LRRC71: variants seen among roughly 807,000 people sequenced by gnomAD.
LRRC71 encodes leucine rich repeat containing 71.
In LRRC71, 54 loss-of-function variants were observed where a neutral mutation model predicts 66.6. The ratio of observed to expected loss-of-function variants is 0.81; its 90% CI spans 0.65 to 1.02. LRRC71 has a LOEUF of 1.02. Among genes scored for constraint, LRRC71 ranks in the 50% least tolerant of loss-of-function variants. The probability of loss-of-function intolerance (pLI) is 0.00; values close to 1 mark genes in which losing one functional copy is unlikely to be tolerated. For synonymous variants in LRRC71, 323 were observed against 303.9 expected (o/e 1.06, Z -0.65); for missense variants, 724 against 718.0 (o/e 1.01, Z -0.10).
intron 12 of LRRC71, 137 bp downstream of exon 12, chr1:156,930,754 GTCC>G (rs1451856290): frequency 2.6e-6 from 2 of 774,500 alleles, no homozygotes; most frequent in Non-Finnish European, 4.2e-6. Flanking sequence ...CTTCAAATTT[GTCC>G]TCCACTCCTG....
chr1:156,930,345 G>A (rs1299142117), intron 11 of LRRC71, among the ~76,000 whole-genome samples, 184 bp from the exon 12 acceptor site: 3 of 151,660 alleles, frequency 2.0e-5, no homozygotes, highest in African/African-American at 4.8e-5. Context: ...CTCCTGCTTC[G>A]GCCTCCCAAA....
chr1:156,931,509 G>C (rs543978041), intron 12 of LRRC71, among the ~76,000 whole-genome samples: 1 of 152,142 alleles, frequency 6.6e-6, no homozygotes, highest in African/African-American at 2.4e-5. Flanking sequence ...ATTGCTCTAG[G>C]TGTTGGGAAA....
chr1:156,939,969 A>G, the LRRC71 span: 2 of 1,578,040 alleles, frequency 1.3e-6, no homozygotes, highest in South Asian at 2.3e-5. Flanking sequence ...CGCCAGAAGG[A>G]TCGTTGTACT....
At chr1:156,931,648 T>C (rs1179045869) in intron 12 of LRRC71, among the ~76,000 whole-genome samples, 1 of 152,206 alleles carries the variant, frequency 6.6e-6, no homozygotes, top group Non-Finnish European at 1.5e-5. Context: ...AGGCCCTTCC[T>C]GGCCTGGCCT....
At position 156,932,102 on chromosome 1, in the gene LRRC71, C is replaced by T. The variant is rs150956956; in HGVS notation, c.1441+75C>T. 3.1e-3 allele frequency: 3,714 copies of T among 1,181,678 alleles called. 25 individuals are homozygous for T. The highest frequency in any genetic ancestry group is 2.8e-3 in the Non-Finnish European group (2,288 of 813,902). The allele number at this position is 1,181,678 out of a possible 1,614,324, so 73.2% of individuals were successfully genotyped here. ...CTGTCCTGCCTGAGGGTGTTTACCC[C>T]GACTCTATGGAGCAGAGCTGGTCCT... is the stretch of plus-strand genomic sequence containing the variant. On this transcript the variant is annotated intron_variant, in intron 13 of 14. Transcript: ENST00000337428.
chr1:156,930,247 C>T (rs182013987), intron 11 of LRRC71, among the ~76,000 whole-genome samples: 1 of 151,856 alleles, frequency 6.6e-6, no homozygotes, highest in East Asian at 2.0e-4. Context: ...TGCGTGCCAC[C>T]ACGCCCAGCT....
chr1:156,923,720 G>T (rs1652740142), intron 1 of LRRC71, among the ~76,000 whole-genome samples: 1 of 152,224 alleles, frequency 6.6e-6, no homozygotes, highest in African/African-American at 2.4e-5. Context: ...ACACAGAAGA[G>T]GGGACCCCGT....
chr1:156,930,044 C>CTCTTTCTTTCTTTCTTTTTCTT (rs1654063259), intron 11 of LRRC71, among the ~76,000 whole-genome samples: 1 of 127,906 alleles, frequency 7.8e-6, no homozygotes, highest in Non-Finnish European at 1.6e-5. Flanking sequence ...TTCTTTCTTT[C>CTCTTTCTTTCTTTCTTTTTCTT]TCTTTCTTTC....
At position 156,927,452 on chromosome 1, in the gene LRRC71, T is replaced by G. The variant is rs750863823; in HGVS notation, c.663-44T>G. The G allele has an allele frequency of 6.6e-6, 10 of 1,522,300 alleles. No homozygotes were observed. The Admixed American group carries it at 1.9e-4, about 29-fold the overall frequency. The allele number at this position is 1,522,300 out of a possible 1,614,324, so 94.3% of individuals were successfully genotyped here. On this transcript the variant is annotated intron_variant, in intron 6 of 14. Coordinates refer to ENST00000337428, the MANE Select transcript of LRRC71 (RefSeq NM_144702.3). ...GTCTCCCATATTCCGGCGGACGCCC[T>G]GTACCTTTTCCAGCGACCCACATTC... is the stretch of plus-strand genomic sequence containing the variant.
chr1:156,921,712 AACACACACAC>A (rs34547094), intron 1 of LRRC71: 9,102 of 278,506 alleles, frequency 0.033, 414 homozygotes, highest in East Asian at 0.26. Context: ...TTACATTCAA[AACACACACAC>A]ACACACACAC....
chr1:156,937,384 C>A, downstream of LRRC71: 1 of 1,607,244 alleles, frequency 6.2e-7, no homozygotes, highest in Non-Finnish European at 8.5e-7. Flanking sequence ...GAGGCTGAGG[C>A]TCTGTCTGCC....
intron 11 of LRRC71, among the ~76,000 whole-genome samples, chr1:156,930,093 C>CTTTCTTTCTTTTCTTTTTT (rs1571069635): frequency 1.7e-5 from 1 of 57,658 alleles, no homozygotes; most frequent in Admixed American, 1.8e-4. Context: ...TTCTTTCTTT[C>CTTTCTTTCTTTTCTTTTTT]TCTCTCTTTT....
chr1:156,938,029 G>A (rs555159726), downstream of LRRC71, among the ~76,000 whole-genome samples: 60 of 152,210 alleles, frequency 3.9e-4, no homozygotes, highest in South Asian at 1.2e-3. Context: ...GAACCACCGC[G>A]GAATCTGGGA....
At chr1:156,928,780 A>G (rs1009835618) in intron 9 of LRRC71, among the ~76,000 whole-genome samples, 154 of 151,922 alleles carry the variant, frequency 1.0e-3, no homozygotes, top group Non-Finnish European at 2.2e-4. Flanking sequence ...TATGTTGACC[A>G]GGCTGGTCTC....
Position 156,928,037 on chromosome 1 carries a change from G to C in LRRC71, c.996+33G>C, listed in dbSNP as rs1270862686. The C allele has an allele frequency of 3.9e-6, 6 of 1,556,506 alleles. No homozygotes were observed. In the African/African-American group the frequency reaches 6.8e-5, roughly 18 times the overall value. ...GCTACCAGGCCCCAGGACCAGCCGA[G>C]AGCCCCTCTGACCCTCGAGCCCACT... On this transcript the variant is annotated intron_variant, in intron 9 of 14. Transcript: ENST00000337428.
downstream of LRRC71, chr1:156,934,779 T>TA (rs1449315230): frequency 6.6e-6 from 1 of 151,490 alleles, no homozygotes; most frequent in East Asian, 1.9e-4. Flanking sequence ...TAACCAGTCT[T>TA]ACAGGGAACA....
Position 156,920,976 on chromosome 1 carries a change from C to T in LRRC71, c.160+13C>T. On this transcript the variant is annotated intron_variant, in intron 1 of 14. Transcript: ENST00000337428. This position sits in a 1 kb window ranked among gnomAD's most constrained non-coding sequence, Gnocchi z 4.9. Reference sequence around the variant, plus strand: ...CCCAAAAGCCCTGGTACGCTGGCGCCGGGGTTTGGGGATCGGGCTTCCAGG... The same window carrying T: ...CCCAAAAGCCCTGGTACGCTGGCGCTGGGGTTTGGGGATCGGGCTTCCAGG... 6.7e-7 allele frequency: 1 copy of T among 1,492,734 alleles called. No homozygotes were observed. The highest frequency in any genetic ancestry group is 9.0e-7 in the Non-Finnish European group (1 of 1,116,368). 92.5% of individuals were successfully genotyped at this position (1,492,734 alleles called of 1,614,324 possible).
chr1:156,932,880 G>T lies in LRRC71; in HGVS notation c.1591G>T (p.Ala531Ser). Reference protein sequence around the residue: ...AKNCFAPQCPAYAIIQELMLP... With the variant: ...AKNCFAPQCPSYAIIQELMLP... ...AAATTGCTTCGCCCCACAATGTCCT[G>T]CGTACGCCATAATCCAGGAGCTGAT... The change falls in exon 15 of 15, where the codon GCG becomes TCG. Residue 531 changes from alanine (A) to serine (S), a missense_variant. By Grantham distance (99) the Ala-to-Ser change is moderately conservative (BLOSUM62 1). Coordinates refer to ENST00000337428, the MANE Select transcript of LRRC71 (RefSeq NM_144702.3). The T allele has an allele frequency of 6.2e-7, 1 of 1,609,026 alleles. No homozygotes were observed. Among genetic ancestry groups the T allele is most frequent in the Non-Finnish European group, 8.5e-7 (1 of 1,178,144 alleles).
chr1:156,935,748 C>T, downstream of LRRC71: 1 of 494,138 alleles, frequency 2.0e-6, no homozygotes, highest in Non-Finnish European at 3.6e-6. Flanking sequence ...CTTTCGGATG[C>T]AGTCAGCATG....
Sources: gnomAD v4.1 joint callset for allele counts (sites outside exome capture counted in the v4.1 genomes callset) on GRCh38, gnomAD v4.1.1 for gene constraint, Gnocchi (gnomAD v3.1) non-coding constraint, MANE v1.5 for transcripts, NCBI Gene and HGNC (gene_info 2026-07-23, HGNC 2026-07-21) for gene names.